CYLC2: variants seen among roughly 807,000 people sequenced by gnomAD.
CYLC2 encodes the protein cylicin 2.
CYLC2 carries 30 observed loss-of-function variants against 26.1 expected under a neutral mutation model. That is an observed-to-expected ratio of 1.15 (90% CI 0.86 to 1.56). The LOEUF is 1.56. Among genes scored for constraint, CYLC2 ranks in the 40% most tolerant of loss-of-function variants. CYLC2 has a pLI of 0.00. For missense variants in CYLC2, 498 were observed against 394.4 expected, an observed-to-expected ratio of 1.26 and a Z score of -2.23; for synonymous variants, 158 against 132.8, an observed-to-expected ratio of 1.19 and a Z score of -1.31.
Position 103,005,520 on chromosome 9 carries a change from A to C in CYLC2, c.889A>C (p.Thr297Pro), listed in dbSNP as rs763338109. ...DVKKESKKDA[T>P]KDAKKVAKKD... is the part of the protein sequence containing the mutation. ...CAAGAAAGAGTCTAAGAAGGACGCC[A>C]CGAAAGATGCCAAGAAAGTTGCCAA... Residue 297 changes from threonine to proline, a missense_variant, in exon 5 of 8, where the codon ACG becomes CCG. By Grantham distance (38) the Thr-to-Pro change is conservative (BLOSUM62 -1). Transcript: ENST00000374798. 1 of 1,612,308 alleles carries C rather than the reference A, an allele frequency of 6.2e-7. No homozygotes were observed. The highest frequency in any genetic ancestry group is 1.3e-5 in the African/African-American group (1 of 74,922).
At chr9:103,015,517 A>G (rs1046176269) in intron 6 of CYLC2, among the ~76,000 whole-genome samples, 7 of 141,400 alleles carry the variant, frequency 5.0e-5, no homozygotes, top group African/African-American at 1.8e-4. Flanking sequence ...TATATAATAC[A>G]TGTTTATATA....
At chr9:102,998,622 G>C (rs368998250) in intron 1 of CYLC2, among the ~76,000 whole-genome samples, 3 of 151,908 alleles carry the variant, frequency 2.0e-5, no homozygotes, top group South Asian at 4.1e-4. Context: ...TTGGTTTATT[G>C]CTGTTTGGGT....
chr9:103,004,554 GGAT>G (rs1829318974), intron 3 of CYLC2, 138 bp from the exon 4 acceptor site: 2 of 605,276 alleles, frequency 3.3e-6, no homozygotes, highest in Middle Eastern at 9.3e-4. Context: ...GCAAAATAAA[GGAT>G]GAAATCTCAA....
rs16922403 is a variant in CYLC2 at position 103,007,786 on chromosome 9, T to C, written c.*700+1408T>C. On this transcript the variant is annotated intron_variant, in intron 5 of 7. Transcript: ENST00000374798. ...TTTGGATGCAACATAAAGCTTCTCTTGGACATTAAAGGAAGGGTCTCCTAG... is the reference window on the plus strand; with the variant it reads ...TTTGGATGCAACATAAAGCTTCTCTCGGACATTAAAGGAAGGGTCTCCTAG... 0.011 allele frequency among the ~76,000 whole-genome samples: 1,657 copies of C among 152,258 alleles called. 104 individuals carry two copies. In the East Asian group the frequency reaches 0.2, roughly 18 times the overall value.
intron 5 of CYLC2, among the ~76,000 whole-genome samples, chr9:103,008,591 G>A (rs2118248803): frequency 6.6e-6 from 1 of 151,948 alleles, no homozygotes; most frequent in African/African-American, 2.4e-5. Context: ...CCCAAGTTCT[G>A]CCAAACCCAT....
chr9:103,005,442 A>T lies in CYLC2; in HGVS notation c.811A>T (p.Lys271Ter). The T allele has an allele frequency of 6.2e-7, 1 of 1,613,452 alleles. No individual in the cohort carries two copies. The highest frequency in any genetic ancestry group is 8.5e-7 in the Non-Finnish European group (1 of 1,179,882). The change falls in exon 5 of 8, where the codon AAG (lysine) becomes TAG (stop). Residue 271 changes from lysine (K) to a stop codon, truncating the protein, a stop_gained. Coordinates refer to ENST00000374798, the MANE Select transcript of CYLC2 (RefSeq NM_001340.5). LOFTEE classifies it low-confidence loss of function (END_TRUNC). ...AGATGCAAAGGAGATTAAAAAAGGTAAGAAAGATAAGAAGAAGCCCAGTAG... is the reference window on the plus strand; with the variant it reads ...AGATGCAAAGGAGATTAAAAAAGGTTAGAAAGATAAGAAGAAGCCCAGTAG... The part of the protein sequence containing the change: ...KKDAKEIKKG[K>*]KDKKKPSSTD...
Position 103,005,798 on chromosome 9 carries a change from TAA to T in CYLC2, c.*123_*124del. 1 of 1,082,814 alleles carries T rather than the reference TAA, an allele frequency of 9.2e-7. No homozygotes were observed. Among genetic ancestry groups the T allele is most frequent in the Non-Finnish European group, 1.3e-6 (1 of 749,506 alleles). The allele number at this position is 1,082,814 out of a possible 1,614,324, so 67.1% of individuals were successfully genotyped here. ...AGGCCTCAAAGAATTAAATAATTTTTAAAAGGTGGTAAAGAAGGATACAAAGG... is the reference window on the plus strand; with the variant it reads ...AGGCCTCAAAGAATTAAATAATTTTTAAGGTGGTAAAGAAGGATACAAAGG... On this transcript the variant is annotated 3_prime_UTR_variant, in exon 5 of 8. Coordinates refer to ENST00000374798, the MANE Select transcript of CYLC2 (RefSeq NM_001340.5).
chr9:103,015,953 G>GTA (rs1184025786), intron 6 of CYLC2, among the ~76,000 whole-genome samples: 3 of 149,454 alleles, frequency 2.0e-5, no homozygotes, highest in South Asian at 2.1e-4. Flanking sequence ...ATATCTAATT[G>GTA]TATATATATA....
chr9:103,015,411 T>C (rs1235643247), intron 6 of CYLC2, among the ~76,000 whole-genome samples: 1 of 135,112 alleles, frequency 7.4e-6, no homozygotes, highest in Admixed American at 8.2e-5. Flanking sequence ...TTATTATATA[T>C]TATATATTAT....
chr9:103,014,836 CG>C (rs564267930), intron 6 of CYLC2, among the ~76,000 whole-genome samples: 1 of 98,846 alleles, frequency 1.0e-5, no homozygotes, highest in African/African-American at 4.0e-5. Context: ...ATGTAATATA[CG>C]TATGTATATT....
rs1231023907 is a variant in CYLC2, at chr9:103,013,333, A to ATATTATATAAAT, written c.*816+1236_*816+1237insTATTATATAAAT. 3.4e-3 allele frequency among the ~76,000 whole-genome samples: 61 copies of ATATTATATAAAT among 17,808 alleles called. 4 individuals carry two copies. Among genetic ancestry groups the ATATTATATAAAT allele is most frequent in the South Asian group, 0.024 (4 of 170 alleles). The allele number at this position is 17,808 out of a possible 152,430, so 11.7% of individuals were successfully genotyped here. A position where few individuals can be genotyped will look rare whatever the true frequency, so the allele number is the denominator to read the frequency against. On this transcript the variant is annotated intron_variant, in intron 6 of 7. Coordinates refer to ENST00000374798, the MANE Select transcript of CYLC2 (RefSeq NM_001340.5). ...ATGTTTATATAACCTATATATATTT[A>ATATTATATAAAT]ATATATTATATAAATATATATTATA...
At position 103,006,036 on chromosome 9, in the gene CYLC2, A is replaced by ACACACACACACAC. The variant is rs1475211678; in HGVS notation, c.*359_*371dup. ...TCTATGGACACACACACACACACAC[A>ACACACACACACAC]CACACACACACACACACACACACAC... On this transcript the variant is annotated 3_prime_UTR_variant, in exon 5 of 8. Coordinates refer to ENST00000374798, the MANE Select transcript of CYLC2 (RefSeq NM_001340.5). 1 of 130,608 alleles carries ACACACACACACAC rather than the reference A, an allele frequency of 7.7e-6. No homozygotes were observed. Among genetic ancestry groups the ACACACACACACAC allele is most frequent in the East Asian group, 2.7e-4 (1 of 3,740 alleles). The allele number at this position is 130,608 out of a possible 1,614,324, so 8.1% of individuals were successfully genotyped here.
At chr9:103,013,155 A>ATATATATTATATAAATATATATT in intron 6 of CYLC2, among the ~76,000 whole-genome samples, 1 of 30,012 alleles carries the variant, frequency 3.3e-5, no homozygotes, top group Non-Finnish European at 7.2e-5. Flanking sequence ...TCATATATAA[A>ATATATATTATATAAATATATATT]TATATATTAT....
intron 6 of CYLC2, among the ~76,000 whole-genome samples, chr9:103,014,864 A>C (rs1829477712): frequency 1.5e-5 from 2 of 129,338 alleles, no homozygotes; most frequent in Non-Finnish European, 3.2e-5. Flanking sequence ...TATACATAAT[A>C]TATGTAATAT....
chr9:103,016,297 A>G (rs1829505769), intron 6 of CYLC2, among the ~76,000 whole-genome samples: 1 of 151,994 alleles, frequency 6.6e-6, no homozygotes, highest in Non-Finnish European at 1.5e-5. Flanking sequence ...GGCCTAAATA[A>G]GATTCAGAGA....
intron 5 of CYLC2, among the ~76,000 whole-genome samples, chr9:103,008,976 C>CTG (rs1829378961): frequency 6.6e-6 from 1 of 152,150 alleles, no homozygotes; most frequent in Admixed American, 6.5e-5. Context: ...CATTAATGAT[C>CTG]TGTGTGCTGA....
At chr9:102,996,573 C>A (rs183556952) in intron 1 of CYLC2, among the ~76,000 whole-genome samples, 49 of 151,984 alleles carry the variant, frequency 3.2e-4, no homozygotes, top group African/African-American at 1.1e-3. Context: ...TTCTTAATAA[C>A]AAATTAGCAT....
intron 6 of CYLC2, among the ~76,000 whole-genome samples, chr9:103,013,881 A>G (rs1323671392): frequency 2.6e-5 from 3 of 113,818 alleles, no homozygotes; most frequent in African/African-American, 3.6e-5. Context: ...TTATACATAT[A>G]ATAAATAATA....
chr9:102,997,518 T>A (rs1426527463), intron 1 of CYLC2, among the ~76,000 whole-genome samples: 1 of 151,926 alleles, frequency 6.6e-6, no homozygotes, highest in Non-Finnish European at 1.5e-5. Context: ...GAGACTCCTC[T>A]AGCAAATACA....
Sources: allele counts gnomAD v4.1 joint callset (sites outside exome capture counted in the v4.1 genomes callset), GRCh38; gene constraint gnomAD v4.1.1; transcripts MANE v1.5; gene names NCBI Gene and HGNC (gene_info 2026-07-23, HGNC 2026-07-21).